CLOCK: variants seen among roughly 807,000 people sequenced by gnomAD.
CLOCK encodes circadian locomoter output cycles protein kaput.
In CLOCK, 43 loss-of-function variants were observed where a neutral mutation model predicts 118.4. The observed-to-expected ratio is 0.36, with a 90% CI of 0.28 to 0.47. CLOCK has a LOEUF of 0.47. Among genes scored for constraint, CLOCK ranks in the 20% least tolerant of loss-of-function variants. CLOCK has a pLI of 1.00. For synonymous variants in CLOCK, 326 were observed against 339.2 expected, an observed-to-expected ratio of 0.96 and a Z score of 0.43; for missense variants, 846 against 999.9, an observed-to-expected ratio of 0.85 and a Z score of 2.08.
chr4:55,451,023 G>C (rs1724395590), intron 15 of CLOCK, among the ~76,000 whole-genome samples: 1 of 150,512 alleles, frequency 6.6e-6, no homozygotes. Context: ...CAAACATGCT[G>C]TTATTTCTCT....
chr4:55,530,521 T>A (rs1730465412), intron 1 of CLOCK, among the ~76,000 whole-genome samples: 1 of 152,048 alleles, frequency 6.6e-6, no homozygotes, highest in Admixed American at 6.6e-5. Context: ...ATGCATATAA[T>A]CCCAGCACTT....
At chr4:55,501,554 A>T (rs1728448206) in intron 2 of CLOCK, 1 of 152,132 alleles carries the variant, frequency 6.6e-6, no homozygotes, top group Non-Finnish European at 1.5e-5. Context: ...AGGAGCTGGG[A>T]CTACATGCAT....
In CLOCK at chr4:55,448,601, C is replaced by CGCGCGTGTGT. The variant is rs764071880; in HGVS notation, c.1539+177_1539+178insACACACGCGC. On this transcript the variant is annotated intron_variant, in intron 18 of 22. Coordinates refer to ENST00000513440, the MANE Select transcript of CLOCK (RefSeq NM_004898.4). ...ATATATGTGCGCGCGCGCACGCGCG[C>CGCGCGTGTGT]GTGTGTGTGTGTGTGTGTGTGTGTG... Among the ~76,000 whole-genome samples, 695 of 117,010 alleles carry CGCGCGTGTGT rather than the reference C, an allele frequency of 5.9e-3. 4 individuals are homozygous for CGCGCGTGTGT. Among genetic ancestry groups the CGCGCGTGTGT allele is most frequent in the South Asian group, 0.017 (60 of 3,460 alleles). The allele number at this position is 117,010 out of a possible 152,430, so 76.8% of individuals were successfully genotyped here.
chr4:55,518,427 T>A (rs1729654982), intron 1 of CLOCK, among the ~76,000 whole-genome samples: 1 of 152,224 alleles, frequency 6.6e-6, no homozygotes, highest in Admixed American at 6.5e-5. Context: ...ATTGTTTTCC[T>A]CATGACACTA....
intron 20 of CLOCK, among the ~76,000 whole-genome samples, 169 bp downstream of exon 20, chr4:55,443,518 T>C (rs182112696): frequency 3.3e-5 from 5 of 151,898 alleles, no homozygotes; most frequent in Admixed American, 3.3e-4. Context: ...TATTTGATAC[T>C]AACATGATTT....
At position 55,438,463 on chromosome 4, in the gene CLOCK, C is replaced by T. The variant is rs761904275; in HGVS notation, c.2180G>A (p.Ser727Asn). Residue 727 changes from serine to asparagine, a missense_variant, in exon 22 of 23, where the codon AGT (serine) becomes AAT (asparagine). Around this residue, in one of 4 missense-constraint regions of CLOCK, gnomAD observed 520 missense variants for 558.0 expected, o/e 0.93. Coordinates refer to ENST00000513440, the MANE Select transcript of CLOCK (RefSeq NM_004898.4). Reference protein sequence around the residue: ...PVACGAVMVPSTMLMGQVVTA... With the variant: ...PVACGAVMVPNTMLMGQVVTA... ...CACCACCTGGCCCATAAGCATAGTA[C>T]TAGGTACCATGACTGCCCCACAAGC... The T allele has an allele frequency of 1.9e-6, 3 of 1,613,732 alleles. No individual in the cohort carries two copies. In the African/African-American group the frequency reaches 4.0e-5, roughly 22 times the overall value.
intron 3 of CLOCK, among the ~76,000 whole-genome samples, chr4:55,489,046 A>C (rs1440697621): frequency 6.6e-6 from 1 of 152,096 alleles, no homozygotes; most frequent in Non-Finnish European, 1.5e-5. Context: ...TACACTATCC[A>C]TTTATCCATT....
chr4:55,517,079 A>G (rs1242822461), intron 1 of CLOCK, among the ~76,000 whole-genome samples: 1 of 152,212 alleles, frequency 6.6e-6, no homozygotes, highest in Non-Finnish European at 1.5e-5. Context: ...CACTGTTGAT[A>G]ACATTATTTT....
chr4:55,510,841 A>G (rs533319599), intron 1 of CLOCK, among the ~76,000 whole-genome samples: 2 of 152,266 alleles, frequency 1.3e-5, no homozygotes, highest in African/African-American at 4.8e-5. Flanking sequence ...TCAGAATGAA[A>G]CAGGAAATGA....
intron 1 of CLOCK, among the ~76,000 whole-genome samples, chr4:55,541,046 A>G (rs1731240106): frequency 6.6e-6 from 1 of 152,242 alleles, no homozygotes; most frequent in Non-Finnish European, 1.5e-5. Flanking sequence ...TAGACTTCTA[A>G]GACTTAAAAT....
In CLOCK at chr4:55,435,343, C is replaced by T. The variant is rs1722794512; in HGVS notation, c.*72G>A. 2 of 1,565,414 alleles carry T rather than the reference C, an allele frequency of 1.3e-6. No individual in the cohort carries two copies. Among genetic ancestry groups the T allele is most frequent in the African/African-American group, 1.4e-5 (1 of 73,864 alleles). On this transcript the variant is annotated 3_prime_UTR_variant, in exon 23 of 23. Coordinates refer to ENST00000513440, the MANE Select transcript of CLOCK (RefSeq NM_004898.4). ...AACTGCTGGAACTTTCCCTCCTTTC[C>T]TCAGGTCATCTGAGTAACTCTTAAT... is the stretch of plus-strand genomic sequence containing the variant.
intron 21 of CLOCK, among the ~76,000 whole-genome samples, chr4:55,439,860 TTGTATAA>T: frequency 6.6e-6 from 1 of 152,216 alleles, no homozygotes; most frequent in African/African-American, 2.4e-5. Flanking sequence ...GAATGGGGAC[TTGTATAA>T]TGGGTATGGA....
rs1722507799 is a variant in CLOCK at position 55,431,602 on chromosome 4, A to G, written c.*3813T>C. On this transcript the variant is annotated 3_prime_UTR_variant, in exon 23 of 23. Coordinates refer to ENST00000513440, the MANE Select transcript of CLOCK (RefSeq NM_004898.4). ...AATATCCAGTGTTTACCCCCTTCCA[A>G]CAGGGACTCCTGTGGGACTAAGGGC... 1 of 152,190 alleles carries G rather than the reference A, an allele frequency of 6.6e-6. No homozygotes were observed. The highest frequency in any genetic ancestry group is 6.5e-5 in the Admixed American group (1 of 15,286). 9.4% of individuals were successfully genotyped at this position (152,190 alleles called of 1,614,324 possible). A position where few individuals can be genotyped will look rare whatever the true frequency, so the allele number is the denominator to read the frequency against.
At chr4:55,492,563 G>C (rs1289272235) in intron 2 of CLOCK, among the ~76,000 whole-genome samples, 1 of 152,108 alleles carries the variant, frequency 6.6e-6, no homozygotes, top group Non-Finnish European at 1.5e-5. Flanking sequence ...AATAAAGCTA[G>C]GCCAGTCACA....
At chr4:55,532,515 A>G (rs1007125801) in intron 1 of CLOCK, among the ~76,000 whole-genome samples, 19 of 152,132 alleles carry the variant, frequency 1.2e-4, no homozygotes, top group Non-Finnish European at 1.9e-4. Context: ...TCTATACACC[A>G]AAAATGACCA....
intron 7 of CLOCK, among the ~76,000 whole-genome samples, chr4:55,472,400 A>C (rs1468852187): frequency 6.6e-6 from 1 of 152,202 alleles, no homozygotes; most frequent in Admixed American, 6.5e-5. Context: ...AGGCATTTGA[A>C]AAAAGAGCAA....
rs562151393 is a variant in CLOCK at position 55,541,162 on chromosome 4, G to GA, written c.-290+5619dup. The stretch of plus-strand genomic sequence containing the variant: ...CAACATTTGCATAATCAAAAAAATG[G>GA]AAAAAAACAGGAATCTCGGTATCCA... On this transcript the variant is annotated intron_variant, in intron 1 of 22. Coordinates refer to ENST00000513440, the MANE Select transcript of CLOCK (RefSeq NM_004898.4). Among the ~76,000 whole-genome samples, 235 of 152,018 alleles carry GA rather than the reference G, an allele frequency of 1.5e-3. 1 individual carries two copies. The highest frequency in any genetic ancestry group is 5.3e-3 in the African/African-American group (220 of 41,498).
At chr4:55,536,979 T>C (rs553611231) in intron 1 of CLOCK, among the ~76,000 whole-genome samples, 7 of 152,324 alleles carry the variant, frequency 4.6e-5, no homozygotes, top group East Asian at 1.9e-4. Context: ...CTTACAATGA[T>C]AGAATATATT....
At chr4:55,491,399 AAG>A (rs1485680084) in intron 2 of CLOCK, among the ~76,000 whole-genome samples, 2 of 151,590 alleles carry the variant, frequency 1.3e-5, no homozygotes, top group East Asian at 3.9e-4. Flanking sequence ...CAACAAAACT[AAG>A]AGTTGTTTCT....
Sources: gnomAD v4.1 joint callset for allele counts (sites outside exome capture counted in the v4.1 genomes callset) on GRCh38, gnomAD v4.1.1 for gene constraint, gnomAD v4.1.1 regional missense constraint, MANE v1.5 for transcripts, NCBI Gene and HGNC (gene_info 2026-07-23, HGNC 2026-07-21) for gene names.